ABLIM3: variants seen among roughly 807,000 people sequenced by gnomAD.
ABLIM3 encodes actin-binding LIM protein 3.
ABLIM3 carries 61 observed loss-of-function variants against 109.5 expected under a neutral mutation model. That is an observed-to-expected ratio of 0.56 (90% CI 0.45 to 0.69). The LOEUF is 0.69. ABLIM3 is among the 30% of genes least tolerant of loss of function. The pLI is 0.00. For missense variants in ABLIM3, 796 were observed against 889.5 expected, an observed-to-expected ratio of 0.89 and a Z score of 1.34; for synonymous variants, 300 against 324.8, an observed-to-expected ratio of 0.92 and a Z score of 0.82.
Position 149,200,441 on chromosome 5 carries a change from C to A in ABLIM3, c.448+13C>A. On this transcript the variant is annotated intron_variant, in intron 5 of 23. Coordinates refer to ENST00000309868, the MANE Select transcript of ABLIM3 (RefSeq NM_014945.5). ...CGTGGACCAAGCCGTGAGTCCTCCC[C>A]ACGGGTATCTCCCTGTCCATGGGTG... is the stretch of plus-strand genomic sequence containing the variant. 1 of 1,610,868 alleles carries A rather than the reference C, an allele frequency of 6.2e-7. No homozygotes were observed. The highest frequency in any genetic ancestry group is 8.5e-7 in the Non-Finnish European group (1 of 1,177,082).
At chr5:149,172,540 G>A (rs955543204) in intron 2 of ABLIM3, among the ~76,000 whole-genome samples, 1 of 152,194 alleles carries the variant, frequency 6.6e-6, no homozygotes, top group African/African-American at 2.4e-5. Context: ...CACGCATGTG[G>A]TGAGCATGTG....
intron 14 of ABLIM3, 105 bp downstream of exon 14, chr5:149,240,879 C>A: frequency 9.6e-7 from 1 of 1,040,192 alleles, no homozygotes; most frequent in Non-Finnish European, 1.5e-6. Flanking sequence ...GAAGCTGGTT[C>A]CTGAGGGACC....
intron 2 of ABLIM3, among the ~76,000 whole-genome samples, chr5:149,142,665 T>C (rs1752582589): frequency 6.6e-6 from 1 of 152,180 alleles, no homozygotes; most frequent in African/African-American, 2.4e-5. Context: ...GGTTTCTCTA[T>C]GTACCTGCAG....
chr5:149,166,036 T>C lies in ABLIM3; in HGVS notation c.14-17416T>C, dbSNP rs886176328. ...ATGGCCTGGGTGAGAAAATGATCCA[T>C]AAATGTGTTTTAGTTGGCTCACATA... On this transcript the variant is annotated intron_variant, in intron 2 of 23. Transcript: ENST00000309868. 1.3e-5 allele frequency among the ~76,000 whole-genome samples: 2 copies of C among 152,228 alleles called. 1 individual carries two copies. The highest frequency in any genetic ancestry group is 2.9e-5 in the Non-Finnish European group (2 of 68,034).
chr5:149,251,422 G>T lies in ABLIM3; in HGVS notation c.1849+3G>T. ...CGCAGTCAACTGGGGCATGCGAGGT[G>T]AGTGCAGGCCTGCAGGGGGTCTGCA... is the stretch of plus-strand genomic sequence containing the variant. On this transcript the variant is annotated splice_donor_region_variant and intron_variant, in intron 21 of 23. Transcript: ENST00000309868. 6.2e-7 allele frequency: 1 copy of T among 1,614,086 alleles called. No homozygotes were observed. Among genetic ancestry groups the T allele is most frequent in the African/African-American group, 1.3e-5 (1 of 75,056 alleles).
intron 2 of ABLIM3, among the ~76,000 whole-genome samples, chr5:149,167,343 C>A (rs1309338149): frequency 2.6e-5 from 4 of 152,206 alleles, no homozygotes; most frequent in East Asian, 1.9e-4. Context: ...GATATGATTT[C>A]TAATATGATA....
chr5:149,237,603 G>A lies in ABLIM3; in HGVS notation c.1044G>A (p.Glu348=). The A allele has an allele frequency of 1.2e-6, 2 of 1,614,072 alleles. No homozygotes were observed. The highest frequency in any genetic ancestry group is 8.5e-7 in the Non-Finnish European group (1 of 1,180,022). Residue 348 remains glutamate, a splice_region_variant and synonymous_variant, in exon 11 of 24, where the codon GAG becomes GAA. Transcript: ENST00000309868. ...TGCTGGAGAGATGTGGCTATGGAGAGGTATCGCATCTTGCCCTTCTCTCTG... is the reference window on the plus strand; with the variant it reads ...TGCTGGAGAGATGTGGCTATGGAGAAGTATCGCATCTTGCCCTTCTCTCTG... The part of the protein sequence containing the change: ...DEMLERCGYG[E]SLGTLSPYSQ...
At chr5:149,150,951 A>T (rs752676610) in intron 2 of ABLIM3, among the ~76,000 whole-genome samples, 2 of 152,238 alleles carry the variant, frequency 1.3e-5, no homozygotes, top group African/African-American at 2.4e-5. Flanking sequence ...AAGAATAAAT[A>T]AGTTAGTTGT....
At position 149,246,522 on chromosome 5, in the gene ABLIM3, T is replaced by G. The variant is rs1348374121; in HGVS notation, c.1527T>G (p.Asp509Glu). 2.5e-6 allele frequency: 4 copies of G among 1,614,144 alleles called. No homozygotes were observed. Among genetic ancestry groups the G allele is most frequent in the East Asian group, 2.2e-5 (1 of 44,880 alleles). ...GGTTCTCGTCTGGAGGAGAGGAGGA[T>G]GATTTTGACCGCAGCATGCACAAGG... is the stretch of plus-strand genomic sequence containing the variant. The part of the protein sequence containing the change: ...ARRFSSGGEE[D>E]DFDRSMHKLQ... Residue 509 changes from aspartate (D) to glutamate (E), a missense_variant, in exon 17 of 24, where the codon GAT becomes GAG. Asp to Glu is a conservative substitution (Grantham distance 45). Coordinates refer to ENST00000309868, the MANE Select transcript of ABLIM3 (RefSeq NM_014945.5).
chr5:149,204,432 GA>G (rs1460366421), intron 5 of ABLIM3, among the ~76,000 whole-genome samples: 1 of 152,132 alleles, frequency 6.6e-6, no homozygotes, highest in Non-Finnish European at 1.5e-5. Context: ...AGAAGAGGGC[GA>G]AAAGGTCCTA....
intron 2 of ABLIM3, among the ~76,000 whole-genome samples, chr5:149,156,300 G>A (rs1753861521): frequency 6.6e-6 from 1 of 152,220 alleles, no homozygotes; most frequent in Admixed American, 6.5e-5. Flanking sequence ...GCCGCCTTCA[G>A]AGAGTTGCTT....
chr5:149,194,057 A>G (rs2127490349), intron 3 of ABLIM3, among the ~76,000 whole-genome samples: 1 of 152,352 alleles, frequency 6.6e-6, no homozygotes, highest in Non-Finnish European at 1.5e-5. Context: ...AGGGCAATCC[A>G]TAAAGGAAAA....
intron 2 of ABLIM3, among the ~76,000 whole-genome samples, chr5:149,149,342 C>T (rs1162581743): frequency 6.6e-6 from 1 of 152,158 alleles, no homozygotes; most frequent in Admixed American, 6.5e-5. Context: ...CATTGGGTCT[C>T]AGTGAATGGA....
At chr5:149,237,359 C>G in intron 10 of ABLIM3, 89 bp from the exon 11 acceptor site, 6 of 1,328,538 alleles carry the variant, frequency 4.5e-6, no homozygotes. Context: ...GAAGTTTGTT[C>G]CTTCTGTATC....
chr5:149,236,658 G>A (rs957561387), intron 10 of ABLIM3, among the ~76,000 whole-genome samples: 1 of 152,062 alleles, frequency 6.6e-6, no homozygotes, highest in African/African-American at 2.4e-5. Flanking sequence ...CAGTTCAATG[G>A]AAAGAGCAGC....
At chr5:149,176,722 C>A (rs569955284) in intron 2 of ABLIM3, among the ~76,000 whole-genome samples, 1 of 152,290 alleles carries the variant, frequency 6.6e-6, no homozygotes, top group South Asian at 2.1e-4. Flanking sequence ...TCTTTCAAGA[C>A]CCTTCCTTAT....
intron 3 of ABLIM3, among the ~76,000 whole-genome samples, chr5:149,187,609 A>C (rs1041890899): frequency 3.9e-5 from 6 of 152,230 alleles, no homozygotes; most frequent in African/African-American, 1.4e-4. Context: ...AGTATGTTCA[A>C]TTCTTTGCCT....
intron 10 of ABLIM3, among the ~76,000 whole-genome samples, chr5:149,236,458 C>G (rs887573822): frequency 6.6e-6 from 1 of 152,048 alleles, no homozygotes; most frequent in African/African-American, 2.4e-5. Flanking sequence ...CCTTGCAAGA[C>G]AGATCCTGGT....
At chr5:149,191,944 A>G (rs1005532267) in intron 3 of ABLIM3, among the ~76,000 whole-genome samples, 15 of 151,994 alleles carry the variant, frequency 9.9e-5, no homozygotes, top group African/African-American at 3.6e-4. Context: ...TGCAAGCTCC[A>G]CCTCCCAGGT....
Sources: gnomAD v4.1 joint callset for allele counts (sites outside exome capture counted in the v4.1 genomes callset) on GRCh38, gnomAD v4.1.1 for gene constraint, MANE v1.5 for transcripts, NCBI Gene and HGNC (gene_info 2026-07-23, HGNC 2026-07-21) for gene names.